KAZN: variants seen among roughly 807,000 people sequenced by gnomAD.
KAZN encodes kazrin, periplakin interacting protein.
Under a neutral mutation model 87.4 loss-of-function variants are expected in KAZN, and 40 were observed. The observed-to-expected ratio is 0.46, with a 90% CI of 0.36 to 0.60. The LOEUF (loss-of-function observed/expected upper bound fraction) is 0.60. Ranked by LOEUF, KAZN falls within the 20% of genes least tolerant of loss-of-function variation. The probability of loss-of-function intolerance (pLI) is 0.00; values close to 1 mark genes in which losing one functional copy is unlikely to be tolerated. For synonymous variants in KAZN, 466 were observed against 458.3 expected (o/e 1.02, Z -0.22); for missense variants, 898 against 1,073.9 (o/e 0.84, Z 2.29).
At chr1:14,891,080 G>A (rs1160841852) in intron 1 of KAZN, among the ~76,000 whole-genome samples, 1 of 151,530 alleles carries the variant, frequency 6.6e-6, no homozygotes, top group Non-Finnish European at 1.5e-5. Context: ...TCCTGACCTC[G>A]TGATCCACCC....
intron 2 of KAZN, among the ~76,000 whole-genome samples, chr1:14,330,810 A>G (rs1358434975): frequency 6.6e-6 from 1 of 152,236 alleles, no homozygotes; most frequent in Non-Finnish European, 1.5e-5. Context: ...ACACTATGGA[A>G]CCATTGCAAA....
chr1:14,317,435 G>A (rs1557635737), intron 2 of KAZN, among the ~76,000 whole-genome samples: 1 of 151,740 alleles, frequency 6.6e-6, no homozygotes, highest in Non-Finnish European at 1.5e-5. Context: ...TAGATTTCTT[G>A]TACATAATAC....
At chr1:14,481,137 A>T (rs983495494) in intron 2 of KAZN, among the ~76,000 whole-genome samples, 1 of 151,906 alleles carries the variant, frequency 6.6e-6, no homozygotes, top group Non-Finnish European at 1.5e-5. Flanking sequence ...TGGTCAGGAG[A>T]GGGCTGCAGG....
At chr1:15,030,659 G>A (rs1378215550) in intron 2 of KAZN, among the ~76,000 whole-genome samples, 2 of 152,216 alleles carry the variant, frequency 1.3e-5, no homozygotes, top group African/African-American at 2.4e-5. Context: ...TAGCTGTGCC[G>A]GGGCCTCCCA....
intron 13 of KAZN, among the ~76,000 whole-genome samples, chr1:15,109,979 G>T (rs1437406993): frequency 3.0e-5 from 4 of 135,104 alleles, no homozygotes; most frequent in Non-Finnish European, 1.7e-5. Context: ...TTGTATGTTT[G>T]TATGTTTATG....
intron 1 of KAZN, among the ~76,000 whole-genome samples, chr1:14,016,339 G>A (rs1409420049): frequency 6.6e-6 from 1 of 152,242 alleles, no homozygotes; most frequent in African/African-American, 2.4e-5. Flanking sequence ...ACTTTTATGG[G>A]TACAGGACTC....
At chr1:14,928,267 G>A (rs1006865561) in intron 1 of KAZN, among the ~76,000 whole-genome samples, 1 of 151,982 alleles carries the variant, frequency 6.6e-6, no homozygotes, top group Non-Finnish European at 1.5e-5. Context: ...TGGCTAACAC[G>A]GTGAAACCCC....
intron 1 of KAZN, among the ~76,000 whole-genome samples, chr1:13,991,090 C>T (rs1273977999): frequency 2.6e-5 from 4 of 151,708 alleles, no homozygotes; most frequent in Non-Finnish European, 5.9e-5. Context: ...TAACGCATCC[C>T]GTGAAATCAG....
intron 1 of KAZN, among the ~76,000 whole-genome samples, chr1:14,841,213 C>T (rs916104215): frequency 6.6e-6 from 1 of 151,494 alleles, no homozygotes; most frequent in African/African-American, 2.4e-5. Context: ...GTCAGGAGAT[C>T]GAGAACACGT....
In KAZN at chr1:15,066,366, C is replaced by G; in HGVS notation, c.1222+613C>G. On this transcript the variant is annotated intron_variant, in intron 8 of 14. Transcript: ENST00000376030. This position sits in a 1 kb window ranked among gnomAD's most constrained non-coding sequence, Gnocchi z 4.3. ...CCCCCCTGGTGTGAACGTGTGGGAC[C>G]AGACCCTGTCCTGGGGGTGCGCCCA... The G allele has an allele frequency of 1.0e-6, 1 of 983,984 alleles. No homozygotes were observed. Among genetic ancestry groups the G allele is most frequent in the Non-Finnish European group, 1.2e-6 (1 of 829,782 alleles). 61.0% of individuals were successfully genotyped at this position (983,984 alleles called of 1,614,324 possible). A position where few individuals can be genotyped will look rare whatever the true frequency, so the allele number is the denominator to read the frequency against.
At chr1:14,287,379 A>G (rs558646157) in intron 2 of KAZN, among the ~76,000 whole-genome samples, 2 of 152,278 alleles carry the variant, frequency 1.3e-5, no homozygotes, top group South Asian at 4.1e-4. Flanking sequence ...TAATGCACCT[A>G]GGAATGGGTC....
chr1:14,223,639 A>G (rs1012886301), intron 2 of KAZN, among the ~76,000 whole-genome samples: 1 of 152,212 alleles, frequency 6.6e-6, no homozygotes, highest in Non-Finnish European at 1.5e-5. Flanking sequence ...TTTTGCAAAT[A>G]TTAGGCCAAA....
At chr1:14,129,333 C>T (rs1644941158) in intron 1 of KAZN, among the ~76,000 whole-genome samples, 1 of 152,208 alleles carries the variant, frequency 6.6e-6, no homozygotes, top group African/African-American at 2.4e-5. Flanking sequence ...TCCCTGTGCC[C>T]CTATGGAGTG....
At chr1:14,062,389 G>A (rs958330841) in intron 1 of KAZN, among the ~76,000 whole-genome samples, 2 of 152,156 alleles carry the variant, frequency 1.3e-5, no homozygotes, top group Non-Finnish European at 2.9e-5. Context: ...GTGCAAAAGA[G>A]GGTTTTCAGT....
At chr1:14,222,258 C>T (rs1032026674) in intron 2 of KAZN, among the ~76,000 whole-genome samples, 2 of 152,128 alleles carry the variant, frequency 1.3e-5, no homozygotes, top group Admixed American at 1.3e-4. Flanking sequence ...GGGGATTAAC[C>T]GTCCAGCTGG....
intron 1 of KAZN, among the ~76,000 whole-genome samples, chr1:14,819,655 C>T (rs1646677349): frequency 6.6e-6 from 1 of 151,274 alleles, no homozygotes; most frequent in African/African-American, 2.4e-5. Flanking sequence ...CTACACACTT[C>T]AGACTTGCGA....
intron 2 of KAZN, among the ~76,000 whole-genome samples, chr1:14,420,905 ACC>A (rs1665373324): frequency 7.0e-6 from 1 of 143,634 alleles, no homozygotes; most frequent in African/African-American, 2.5e-5. Context: ...TCCCCTCCAC[ACC>A]TCCCCTCCAC....
chr1:14,531,408 C>T (rs936240396), intron 2 of KAZN, among the ~76,000 whole-genome samples: 4 of 152,176 alleles, frequency 2.6e-5, no homozygotes, highest in African/African-American at 9.7e-5. Context: ...TCACTGTATT[C>T]GCAAACCCCA....
At chr1:15,003,038 T>C (rs1196077979) in intron 2 of KAZN, among the ~76,000 whole-genome samples, 2 of 144,566 alleles carry the variant, frequency 1.4e-5, no homozygotes, top group African/African-American at 5.2e-5. Context: ...ACACACAAAA[T>C]TGAGGGTGTT....
Sources: gnomAD v4.1 joint callset for allele counts (sites outside exome capture counted in the v4.1 genomes callset) on GRCh38, gnomAD v4.1.1 for gene constraint, Gnocchi (gnomAD v3.1) non-coding constraint, MANE v1.5 for transcripts, NCBI Gene and HGNC (gene_info 2026-07-23, HGNC 2026-07-21) for gene names.